The following SLC7A5 variants were observed in gnomAD, a reference collection of about 807,000 sequenced individuals.
The protein encoded by SLC7A5 is solute carrier family 7 member 5.
A neutral mutation model predicts 50.2 loss-of-function variants in SLC7A5; 23 were observed. That is an observed-to-expected ratio of 0.46 (90% CI 0.33 to 0.65). The LOEUF (loss-of-function observed/expected upper bound fraction) is 0.65, where lower values mean the gene tolerates loss of function less well. Among genes scored for constraint, SLC7A5 ranks in the 30% least tolerant of loss-of-function variants. SLC7A5 has a pLI of 0.02. For synonymous variants in SLC7A5, 393 were observed against 330.6 expected, an observed-to-expected ratio of 1.19 and a Z score of -2.05; for missense variants, 578 against 684.4, an observed-to-expected ratio of 0.84 and a Z score of 1.73.
intron 2 of SLC7A5, among the ~76,000 whole-genome samples, chr16:87,850,273 C>T (rs2055203658): frequency 6.6e-6 from 1 of 152,218 alleles, no homozygotes; most frequent in African/African-American, 2.4e-5. Context: ...GCCTCCCAGC[C>T]CTGAGGCAGG....
rs923460860 is a variant in SLC7A5 at position 87,862,873 on chromosome 16, A to T, written c.538+6012T>A. Among the ~76,000 whole-genome samples, 2 of 152,148 alleles carry T rather than the reference A, an allele frequency of 1.3e-5. No individual in the cohort carries two copies. Among genetic ancestry groups the T allele is most frequent in the Non-Finnish European group, 2.9e-5 (2 of 68,016 alleles). Reference sequence around the variant, plus strand: ...TCCTAAACGCATACCCGCCCACACCAATCTGCTGAGGAGTGACAGCCATGG... The same window carrying T: ...TCCTAAACGCATACCCGCCCACACCTATCTGCTGAGGAGTGACAGCCATGG... On this transcript the variant is annotated intron_variant, in intron 1 of 9. Transcript: ENST00000261622. The surrounding 1 kb of genome is among the most constrained non-coding windows in gnomAD (Gnocchi z 5.3).
At chr16:87,838,457 AATTTTTGTAT>A (rs959250385) in intron 6 of SLC7A5, among the ~76,000 whole-genome samples, 4 of 151,930 alleles carry the variant, frequency 2.6e-5, no homozygotes, top group African/African-American at 9.7e-5. Context: ...ACGCCTGGCT[AATTTTTGTAT>A]ATTTTTGTAG....
intron 8 of SLC7A5, among the ~76,000 whole-genome samples, chr16:87,835,626 A>C (rs1284847602): frequency 6.6e-6 from 1 of 152,164 alleles, no homozygotes; most frequent in Non-Finnish European, 1.5e-5. Flanking sequence ...GGCGCCCGCC[A>C]CCACGCCCAG....
intron 1 of SLC7A5, among the ~76,000 whole-genome samples, chr16:87,854,890 C>G (rs900943219): frequency 2.6e-5 from 4 of 152,230 alleles, no homozygotes; most frequent in Non-Finnish European, 5.9e-5. Context: ...CTGCCCTCCT[C>G]CTCCCTTCAC....
At position 87,860,256 on chromosome 16, in the gene SLC7A5, C is replaced by G. The variant is rs1195330831; in HGVS notation, c.539-8407G>C. Among the ~76,000 whole-genome samples the G allele has an allele frequency of 1.3e-5, 2 of 150,612 alleles. No individual in the cohort carries two copies. The highest frequency in any genetic ancestry group is 4.9e-5 in the African/African-American group (2 of 40,870). ...GCTAAGGCAGGAGAATCACTTGAAC[C>G]CAGGAGGCGGAGGTTGCAGTGAACT... On this transcript the variant is annotated intron_variant, in intron 1 of 9. Transcript: ENST00000261622. The surrounding 1 kb of genome is among the most constrained non-coding windows in gnomAD (Gnocchi z 4.8).
chr16:87,834,029 T>G (rs1047832909), intron 9 of SLC7A5, among the ~76,000 whole-genome samples: 1 of 152,070 alleles, frequency 6.6e-6, no homozygotes, highest in East Asian at 1.9e-4. Context: ...GATCTGTGTA[T>G]TTTTAGTAGA....
intron 1 of SLC7A5, among the ~76,000 whole-genome samples, chr16:87,864,606 C>A (rs1372495453): frequency 1.3e-5 from 2 of 152,234 alleles, no homozygotes; most frequent in Non-Finnish European, 2.9e-5. Flanking sequence ...CTTGCAGACC[C>A]CTGACCCGGT....
At position 87,869,388 on chromosome 16, in the gene SLC7A5, G is replaced by A. The variant is rs1465007165; in HGVS notation, c.35C>T (p.Ala12Val). ...TTCCTTCTCCTCGGCCGCCGGCGCC[G>A]CTAGCGCGCGCCGCTTCGGGCCCGC... The part of the protein sequence containing the change: ...AGAGPKRRAL[A>V]APAAEEKEEA... The change falls in exon 1 of 10, where the codon GCG becomes GTG. Residue 12 changes from alanine (A) to valine (V), a missense_variant. This residue lies in a region of SLC7A5 where 113 missense variants were observed against 89.8 expected (regional missense o/e 1.26). Coordinates refer to ENST00000261622, the MANE Select transcript of SLC7A5 (RefSeq NM_003486.7). The A allele has an allele frequency of 1.3e-6, 2 of 1,570,186 alleles. No homozygotes were observed. Among genetic ancestry groups the A allele is most frequent in the Non-Finnish European group, 1.7e-6 (2 of 1,163,766 alleles).
In SLC7A5 at chr16:87,832,915, A is replaced by C; in HGVS notation, c.*55T>G. On this transcript the variant is annotated 3_prime_UTR_variant, in exon 10 of 10. Coordinates refer to ENST00000261622, the MANE Select transcript of SLC7A5 (RefSeq NM_003486.7). The surrounding 1 kb of genome is among the most constrained non-coding windows in gnomAD (Gnocchi z 4.6). ...GAACCGGAGTGGGTTCGAGGAGGTG[A>C]TCTACTTTAACTGGCCTCTGCGCAT... The C allele has an allele frequency of 2.1e-6, 3 of 1,441,486 alleles. No homozygotes were observed. The highest frequency in any genetic ancestry group is 2.9e-6 in the Non-Finnish European group (3 of 1,023,418). 89.3% of individuals were successfully genotyped at this position (1,441,486 alleles called of 1,614,324 possible).
chr16:87,855,987 C>T (rs1412059482), intron 1 of SLC7A5, among the ~76,000 whole-genome samples: 5 of 152,196 alleles, frequency 3.3e-5, no homozygotes, highest in Admixed American at 6.5e-5. Flanking sequence ...GAGCCAGGCA[C>T]AGCAGTGAGT....
At chr16:87,864,668 T>G (rs534458268) in intron 1 of SLC7A5, among the ~76,000 whole-genome samples, 6 of 152,372 alleles carry the variant, frequency 3.9e-5, no homozygotes, top group African/African-American at 1.4e-4. Context: ...CCAGTCCAGC[T>G]GAGGGTCCCA....
Position 87,841,878 on chromosome 16 carries a change from G to A in SLC7A5, c.665-723C>T, listed in dbSNP as rs1278020550. Reference sequence around the variant, plus strand: ...CTTGAACTTCAGTCACATCTGCGAAGACCCTTTTTCCAAATAAGGCCACCA... The same window carrying A: ...CTTGAACTTCAGTCACATCTGCGAAAACCCTTTTTCCAAATAAGGCCACCA... On this transcript the variant is annotated intron_variant, in intron 2 of 9. Transcript: ENST00000261622. The surrounding 1 kb of genome is among the most constrained non-coding windows in gnomAD (Gnocchi z 4.8). 1.3e-5 allele frequency among the ~76,000 whole-genome samples: 2 copies of A among 152,222 alleles called. No individual in the cohort carries two copies. The highest frequency in any genetic ancestry group is 2.4e-5 in the African/African-American group (1 of 41,456).
At position 87,862,718 on chromosome 16, in the gene SLC7A5, C is replaced by A. The variant is rs942609198; in HGVS notation, c.538+6167G>T. On this transcript the variant is annotated intron_variant, in intron 1 of 9. Coordinates refer to ENST00000261622, the MANE Select transcript of SLC7A5 (RefSeq NM_003486.7). This position sits in a 1 kb window ranked among gnomAD's most constrained non-coding sequence, Gnocchi z 5.3. ...CCTTCACACGCAGAGGCCTGGGATT[C>A]CCAGACACCTGGCGCTGGGGCCAAT... Among the ~76,000 whole-genome samples, 1 of 152,246 alleles carries A rather than the reference C, an allele frequency of 6.6e-6. No individual in the cohort carries two copies. The highest frequency in any genetic ancestry group is 1.5e-5 in the Non-Finnish European group (1 of 68,046).
chr16:87,851,725 C>T lies in SLC7A5; in HGVS notation c.663G>A (p.Lys221=), dbSNP rs748311366. Residue 221 remains lysine, a splice_region_variant and synonymous_variant, in exon 2 of 10, where the codon AAG becomes AAA. Coordinates refer to ENST00000261622, the MANE Select transcript of SLC7A5 (RefSeq NM_003486.7). The part of the protein sequence containing the change: ...IILLGFVQIG[K]GDVSNLDPNF... ...GTGGGGCCTGGGGGACGTACTCACC[C>T]TTCCCGATCTGGACGAAGCCCAGCA... is the stretch of plus-strand genomic sequence containing the variant. The T allele has an allele frequency of 5.6e-6, 9 of 1,611,708 alleles. No individual in the cohort carries two copies. In the East Asian group the frequency reaches 1.1e-4, roughly 20 times the overall value.
chr16:87,844,964 G>A (rs8050771), intron 2 of SLC7A5, among the ~76,000 whole-genome samples: 48,526 of 152,198 alleles, frequency 0.32, 8,440 homozygotes, highest in South Asian at 0.57. Flanking sequence ...AGGCACTAAG[G>A]CCGACGACAA....
Position 87,861,055 on chromosome 16 carries a change from G to C in SLC7A5, c.538+7830C>G, listed in dbSNP as rs71392315. Among the ~76,000 whole-genome samples, 2,416 of 152,322 alleles carry C rather than the reference G, an allele frequency of 0.016. 32 individuals carry two copies. The highest frequency in any genetic ancestry group is 0.059 in the South Asian group (286 of 4,832). ...GGAAAAGGGCAGCAGCGGGAAGAGG[G>C]TGCTGCCACAGGGCCTCTGGGGAGC... On this transcript the variant is annotated intron_variant, in intron 1 of 9. Transcript: ENST00000261622. This position sits in a 1 kb window ranked among gnomAD's most constrained non-coding sequence, Gnocchi z 4.2.
chr16:87,831,184 T>C lies in SLC7A5; in HGVS notation c.*1786A>G. 6.6e-6 allele frequency: 1 copy of C among 152,354 alleles called. No individual in the cohort carries two copies. Among genetic ancestry groups the C allele is most frequent in the Non-Finnish European group, 1.5e-5 (1 of 68,066 alleles). The allele number at this position is 152,354 out of a possible 1,614,324, so 9.4% of individuals were successfully genotyped here. ...ACCTGCCTGCTGGTGGTCCTCGGCC[T>C]CCAGACCGTGGGCTGTCCCTTGGAC... is the stretch of plus-strand genomic sequence containing the variant. On this transcript the variant is annotated 3_prime_UTR_variant, in exon 10 of 10. Transcript: ENST00000261622.
intron 2 of SLC7A5, among the ~76,000 whole-genome samples, chr16:87,844,493 C>T (rs984579224): frequency 2.0e-5 from 3 of 152,202 alleles, no homozygotes; most frequent in African/African-American, 4.8e-5. Context: ...ATCCTGCTGA[C>T]GGGGCCCAGG....
At chr16:87,864,090 G>A (rs987927035) in intron 1 of SLC7A5, among the ~76,000 whole-genome samples, 1 of 148,120 alleles carries the variant, frequency 6.8e-6, no homozygotes, top group East Asian at 2.0e-4. Context: ...TCAGGAGTTC[G>A]AGACCAGCCT....
Sources: allele counts gnomAD v4.1 joint callset (sites outside exome capture counted in the v4.1 genomes callset), GRCh38; gene constraint gnomAD v4.1.1; regional missense constraint gnomAD v4.1.1; non-coding constraint Gnocchi (gnomAD v3.1); transcripts MANE v1.5; gene names NCBI Gene and HGNC (gene_info 2026-07-23, HGNC 2026-07-21).